The following PRKCE variants were observed in gnomAD, a reference collection of about 807,000 sequenced individuals.
The protein encoded by PRKCE is protein kinase C epsilon, also known as protein kinase C epsilon type.
Under a neutral mutation model 85.4 loss-of-function variants are expected in PRKCE, and 16 were observed. That is an observed-to-expected ratio of 0.19 (90% CI 0.13 to 0.28). The LOEUF is 0.28. PRKCE is among the 10% of genes least tolerant of loss of function. PRKCE has a pLI of 1.00. For synonymous variants in PRKCE, 388 were observed against 371.5 expected, an observed-to-expected ratio of 1.04 and a Z score of -0.51; for missense variants, 573 against 975.2, an observed-to-expected ratio of 0.59 and a Z score of 5.49.
chr2:46,103,728 G>A (rs1479637452), intron 11 of PRKCE, among the ~76,000 whole-genome samples: 1 of 152,078 alleles, frequency 6.6e-6, no homozygotes, highest in Non-Finnish European at 1.5e-5. Flanking sequence ...TTCTTAAAAT[G>A]TAAGCTAGAG....
chr2:46,149,579 T>C (rs1676403477), intron 12 of PRKCE, among the ~76,000 whole-genome samples: 1 of 151,976 alleles, frequency 6.6e-6, no homozygotes, highest in African/African-American at 2.4e-5. Context: ...ATTGATCTGC[T>C]ACATATTTAT....
At chr2:45,807,113 C>G (rs1171860792) in intron 1 of PRKCE, among the ~76,000 whole-genome samples, 1 of 152,176 alleles carries the variant, frequency 6.6e-6, no homozygotes, top group Non-Finnish European at 1.5e-5. Context: ...CTGGCTCTGC[C>G]TTTTGTTAGA....
chr2:45,829,119 T>A (rs973322401), intron 1 of PRKCE, among the ~76,000 whole-genome samples: 1 of 152,222 alleles, frequency 6.6e-6, no homozygotes, highest in Non-Finnish European at 1.5e-5. Flanking sequence ...TGGTTTCTAA[T>A]ATTACACTCT....
chr2:45,656,904 A>G (rs1675404894), intron 1 of PRKCE, among the ~76,000 whole-genome samples: 1 of 152,246 alleles, frequency 6.6e-6, no homozygotes, highest in African/African-American at 2.4e-5. Flanking sequence ...ATTTTTAAAG[A>G]AAGATTTAGA....
chr2:46,135,072 T>C (rs1053865754), intron 11 of PRKCE, among the ~76,000 whole-genome samples: 1 of 152,164 alleles, frequency 6.6e-6, no homozygotes. Context: ...ATCAACCAGG[T>C]ACCAGGCTAT....
intron 1 of PRKCE, among the ~76,000 whole-genome samples, chr2:45,806,140 C>G (rs1195404692): frequency 1.3e-5 from 2 of 152,112 alleles, no homozygotes; most frequent in African/African-American, 4.8e-5. Context: ...TCCCAACCTT[C>G]AAGGGGAAAG....
rs1310353364 is a variant in PRKCE at position 45,835,070 on chromosome 2, G to C, written c.349-7930G>C. ...TGCACACGTGGGTGGGTGTGTGAAT[G>C]TGCACGCCTACACAGGTAGGTGTAC... On this transcript the variant is annotated intron_variant, in intron 1 of 14. Coordinates refer to ENST00000306156, the MANE Select transcript of PRKCE (RefSeq NM_005400.3). Among the ~76,000 whole-genome samples, 5 of 152,200 alleles carry C rather than the reference G, an allele frequency of 3.3e-5. No homozygotes were observed. In the East Asian group the frequency reaches 5.8e-4, roughly 18 times the overall value.
rs988794558 is a variant in PRKCE, at chr2:46,041,941, T to G, written c.1437+31424T>G. 1.3e-5 allele frequency among the ~76,000 whole-genome samples: 2 copies of G among 152,188 alleles called. No individual in the cohort carries two copies. The highest frequency in any genetic ancestry group is 2.9e-5 in the Non-Finnish European group (2 of 68,024). On this transcript the variant is annotated intron_variant, in intron 10 of 14. Transcript: ENST00000306156. The surrounding 1 kb of genome is among the most constrained non-coding windows in gnomAD (Gnocchi z 5.5). Reference sequence around the variant, plus strand: ...AGAGGTTAGCTTTTAGTTATCAAAATGGGTGATGTCTATATCAAAGATTGT... The same window carrying G: ...AGAGGTTAGCTTTTAGTTATCAAAAGGGGTGATGTCTATATCAAAGATTGT...
chr2:45,763,234 G>A (rs933879630), intron 1 of PRKCE, among the ~76,000 whole-genome samples: 4 of 152,122 alleles, frequency 2.6e-5, no homozygotes, highest in Non-Finnish European at 4.4e-5. Flanking sequence ...GATTACAGGC[G>A]TGAGCCACTG....
At chr2:45,893,557 A>G (rs1695899919) in intron 2 of PRKCE, among the ~76,000 whole-genome samples, 1 of 151,870 alleles carries the variant, frequency 6.6e-6, no homozygotes, top group Admixed American at 6.6e-5. Context: ...TAGCAGAGAC[A>G]GAGTTTCACC....
At chr2:45,757,584 T>C (rs1279364540) in intron 1 of PRKCE, among the ~76,000 whole-genome samples, 1 of 152,058 alleles carries the variant, frequency 6.6e-6, no homozygotes, top group East Asian at 1.9e-4. Context: ...GGAGGATCAT[T>C]TGAGCCCAGG....
chr2:45,994,133 AC>A (rs956110877), intron 6 of PRKCE, among the ~76,000 whole-genome samples: 18 of 152,302 alleles, frequency 1.2e-4, no homozygotes, highest in African/African-American at 4.3e-4. Context: ...AGTAGACTTT[AC>A]TTTTTAGAGT....
chr2:45,783,421 A>C (rs1686351997), intron 1 of PRKCE, among the ~76,000 whole-genome samples: 1 of 152,174 alleles, frequency 6.6e-6, no homozygotes. Flanking sequence ...TCTTTCTAGG[A>C]ACAGGAAAAG....
chr2:46,110,668 A>G (rs188315363), intron 11 of PRKCE, among the ~76,000 whole-genome samples: 3 of 141,122 alleles, frequency 2.1e-5, no homozygotes, highest in Non-Finnish European at 1.6e-5. Context: ...ATTTTTCTCT[A>G]TTGTTTTTCT....
At chr2:45,771,740 T>TGTGTGTGA (rs1685356191) in intron 1 of PRKCE, among the ~76,000 whole-genome samples, 2 of 147,674 alleles carry the variant, frequency 1.4e-5, no homozygotes, top group Non-Finnish European at 3.0e-5. Context: ...TGTGTGTGAG[T>TGTGTGTGA]GTGTGTTGGG....
intron 6 of PRKCE, among the ~76,000 whole-genome samples, chr2:46,000,420 C>A (rs751731813): frequency 6.6e-6 from 1 of 151,096 alleles, no homozygotes; most frequent in African/African-American, 2.4e-5. Flanking sequence ...TCCTTGTCCC[C>A]AGATCAGTCG....
At chr2:45,846,593 T>C (rs1691808799) in intron 2 of PRKCE, among the ~76,000 whole-genome samples, 1 of 152,158 alleles carries the variant, frequency 6.6e-6, no homozygotes, top group Non-Finnish European at 1.5e-5. Context: ...GGATTGCATA[T>C]TGTGGAAGCA....
rs1024114397 is a variant in PRKCE at position 46,010,466 on chromosome 2, G to A, written c.1386G>A (p.Leu462=). 7.5e-6 allele frequency: 12 copies of A among 1,599,528 alleles called. No homozygotes were observed. The highest frequency in any genetic ancestry group is 1.3e-5 in the African/African-American group (1 of 74,882). ...CTMTEKRILA[L]ARKHPYLTQL... ...TGACAGAGAAGAGGATTTTGGCTCT[G>A]GCACGGAAACACCCGTACCTTACCC... The change falls in exon 10 of 15, where the codon CTG becomes CTA. Residue 462 remains leucine, a synonymous_variant. Coordinates refer to ENST00000306156, the MANE Select transcript of PRKCE (RefSeq NM_005400.3).
At chr2:45,761,052 G>A (rs1162074052) in intron 1 of PRKCE, among the ~76,000 whole-genome samples, 5 of 152,108 alleles carry the variant, frequency 3.3e-5, no homozygotes, top group Admixed American at 6.5e-5. Flanking sequence ...TTAAGGCCGG[G>A]CATGGTGGCT....
Sources: gnomAD v4.1 joint callset for allele counts (sites outside exome capture counted in the v4.1 genomes callset) on GRCh38, gnomAD v4.1.1 for gene constraint, Gnocchi (gnomAD v3.1) non-coding constraint, MANE v1.5 for transcripts, NCBI Gene and HGNC (gene_info 2026-07-23, HGNC 2026-07-21) for gene names.